Variants in IMMP2L observed in about 807,000 individuals in gnomAD.
IMMP2L encodes inner mitochondrial membrane peptidase subunit 2.
A neutral mutation model predicts 19.3 loss-of-function variants in IMMP2L; 18 were observed. The ratio of observed to expected loss-of-function variants is 0.93; its 90% CI spans 0.64 to 1.38. The LOEUF is 1.38. IMMP2L is among the 40% of genes most tolerant of loss of function. The pLI, the probability that IMMP2L is intolerant of heterozygous loss-of-function variation, is 0.00. For synonymous variants in IMMP2L, 76 were observed against 73.0 expected (o/e 1.04, Z -0.21); for missense variants, 233 against 218.2 (o/e 1.07, Z -0.43).
intron 3 of IMMP2L, among the ~76,000 whole-genome samples, chr7:111,474,094 A>G (rs1841509490): frequency 6.6e-6 from 1 of 152,112 alleles, no homozygotes; most frequent in Admixed American, 6.6e-5. Context: ...TATTGCAAGT[A>G]CTCACTTAAA....
At chr7:110,890,525 A>G (rs1365809770) in intron 4 of IMMP2L, among the ~76,000 whole-genome samples, 2 of 152,206 alleles carry the variant, frequency 1.3e-5, no homozygotes, top group African/African-American at 4.8e-5. Context: ...CCCTTTTAGG[A>G]CTGCCAAAGA....
At position 110,963,533 on chromosome 7, in the gene IMMP2L, T is replaced by C; in HGVS notation, c.272A>G (p.Lys91Arg). ...ATCTCCTTCAAGAGCAATCACTCTCTTAATGATCTTCTGTTCTGGGTTTTT... is the reference window on the plus strand; with the variant it reads ...ATCTCCTTCAAGAGCAATCACTCTCCTAATGATCTTCTGTTCTGGGTTTTT... ...SPKNPEQKII[K>R]RVIALEGDIV... The change falls in exon 4 of 6, where the codon AAG (lysine) becomes AGG (arginine). Residue 91 changes from lysine (K) to arginine (R), a missense_variant. By Grantham distance (26) the Lys-to-Arg change is conservative. Coordinates refer to ENST00000405709, the MANE Select transcript of IMMP2L (RefSeq NM_032549.4). 1 of 1,604,014 alleles carries C rather than the reference T, an allele frequency of 6.2e-7. No homozygotes were observed. The highest frequency in any genetic ancestry group is 2.2e-5 in the East Asian group (1 of 44,582).
chr7:110,944,102 T>C (rs559785185), intron 4 of IMMP2L, among the ~76,000 whole-genome samples: 4 of 152,080 alleles, frequency 2.6e-5, no homozygotes, highest in African/African-American at 7.2e-5. Context: ...GTCATTAAAT[T>C]TGACAAATAC....
chr7:111,137,128 A>T (rs1802422733), intron 3 of IMMP2L, among the ~76,000 whole-genome samples: 1 of 152,182 alleles, frequency 6.6e-6, no homozygotes, highest in Admixed American at 6.5e-5. Flanking sequence ...CTGCAAAAAT[A>T]TGGTGGGTTA....
chr7:111,494,475 C>G (rs1843411198), intron 2 of IMMP2L, among the ~76,000 whole-genome samples: 1 of 152,194 alleles, frequency 6.6e-6, no homozygotes, highest in South Asian at 2.1e-4. Context: ...AACTTGCATT[C>G]TCACACTCAT....
chr7:111,050,169 T>C (rs2022861417), intron 3 of IMMP2L, among the ~76,000 whole-genome samples: 2 of 152,236 alleles, frequency 1.3e-5, no homozygotes, highest in Admixed American at 6.5e-5. Flanking sequence ...GATAATCCCA[T>C]ACTGTCCTTT....
intron 2 of IMMP2L, among the ~76,000 whole-genome samples, chr7:111,510,288 C>T (rs1258710048): frequency 1.3e-5 from 2 of 152,096 alleles, no homozygotes; most frequent in Non-Finnish European, 2.9e-5. Flanking sequence ...CACAATCATT[C>T]AGAAACCCAG....
intron 5 of IMMP2L, chr7:110,664,817 T>G (rs530456235): frequency 1.4e-4 from 22 of 152,344 alleles, no homozygotes; most frequent in African/African-American, 4.8e-4. Context: ...ATGTCCACTT[T>G]ATTTACCATT....
rs1399076813 is a variant in IMMP2L, at chr7:111,562,433, CCGCCGGA to C, written c.-592_-586del. 1 of 151,406 alleles carries C rather than the reference CCGCCGGA, an allele frequency of 6.6e-6. No individual in the cohort carries two copies. The highest frequency in any genetic ancestry group is 2.4e-5 in the African/African-American group (1 of 41,254). 9.4% of individuals were successfully genotyped at this position (151,406 alleles called of 1,614,324 possible). Reference sequence around the variant, plus strand: ...TGCCAGCCTCACAGCCCCCCACCCGCCGCCGGACGCCGGGCGCCCGCCCTCCGCACCC... The same window carrying C: ...TGCCAGCCTCACAGCCCCCCACCCGCCGCCGGGCGCCCGCCCTCCGCACCC... On this transcript the variant is annotated 5_prime_UTR_variant, in exon 1 of 6. Coordinates refer to ENST00000405709, the MANE Select transcript of IMMP2L (RefSeq NM_032549.4).
intron 5 of IMMP2L, among the ~76,000 whole-genome samples, chr7:110,720,183 G>C (rs1394158867): frequency 6.6e-6 from 1 of 152,076 alleles, no homozygotes; most frequent in Non-Finnish European, 1.5e-5. Context: ...CCAAAAGCAA[G>C]AGATCACGAA....
At chr7:110,988,220 G>A (rs181648668) in intron 3 of IMMP2L, among the ~76,000 whole-genome samples, 1 of 152,318 alleles carries the variant, frequency 6.6e-6, no homozygotes, top group East Asian at 1.9e-4. Context: ...AAGTGCTTCA[G>A]TTTGGTAGCA....
intron 4 of IMMP2L, among the ~76,000 whole-genome samples, chr7:110,929,615 G>A (rs542950649): frequency 2.0e-5 from 3 of 152,126 alleles, no homozygotes; most frequent in African/African-American, 7.2e-5. Context: ...AATTGTTCAC[G>A]TAACAGCTGT....
intron 4 of IMMP2L, among the ~76,000 whole-genome samples, chr7:110,931,174 CTA>C (rs1398041836): frequency 2.0e-5 from 3 of 152,052 alleles, no homozygotes; most frequent in African/African-American, 7.2e-5. Flanking sequence ...TTACCTCATT[CTA>C]TATGTTTTGC....
chr7:111,364,006 CCA>C (rs925337692), intron 3 of IMMP2L, among the ~76,000 whole-genome samples: 9 of 151,712 alleles, frequency 5.9e-5, no homozygotes, highest in Non-Finnish European at 1.0e-4. Context: ...AGATCCCCCC[CCA>C]CACACACACA....
chr7:110,986,153 A>G (rs548794425), intron 3 of IMMP2L, among the ~76,000 whole-genome samples: 22 of 152,164 alleles, frequency 1.4e-4, no homozygotes, highest in Non-Finnish European at 2.6e-4. Flanking sequence ...TCTGTCATAC[A>G]GTATCAATGA....
chr7:111,074,745 C>A (rs1205821970), intron 3 of IMMP2L, among the ~76,000 whole-genome samples: 1 of 152,164 alleles, frequency 6.6e-6, no homozygotes, highest in Non-Finnish European at 1.5e-5. Context: ...CATTCCAATA[C>A]CTGTTTTTCC....
intron 3 of IMMP2L, among the ~76,000 whole-genome samples, chr7:111,300,232 G>A (rs1303193983): frequency 6.6e-6 from 1 of 152,106 alleles, no homozygotes; most frequent in African/African-American, 2.4e-5. Context: ...CAGCTTTGCT[G>A]AGGTCCTCAA....
Position 111,204,041 on chromosome 7 carries a change from A to G in IMMP2L, c.240-240476T>C, listed in dbSNP as rs375645703. Among the ~76,000 whole-genome samples the G allele has an allele frequency of 2.0e-4, 30 of 152,296 alleles. No individual in the cohort carries two copies. The East Asian group carries it at 4.2e-3, about 22-fold the overall frequency. On this transcript the variant is annotated intron_variant, in intron 3 of 5. Transcript: ENST00000405709. ...CTAACCATCCCAATGTACACTCAGA[A>G]AGGAAATAAATCTGACATTCAAAAA...
rs11977632 is a variant in IMMP2L, at chr7:110,732,394, A to G, written c.409-68673T>C. On this transcript the variant is annotated intron_variant, in intron 5 of 5. Transcript: ENST00000405709. ...ATACAAAGACCTAAAACAAGTCTCT[A>G]TAATCTTTTTCTAATTACAAACAAA... Among the ~76,000 whole-genome samples the G allele has an allele frequency of 3.9e-5, 6 of 152,346 alleles. 1 individual carries two copies. Among genetic ancestry groups the G allele is most frequent in the African/African-American group, 1.4e-4 (6 of 41,594 alleles).
Sources: allele counts gnomAD v4.1 joint callset (sites outside exome capture counted in the v4.1 genomes callset), GRCh38; gene constraint gnomAD v4.1.1; transcripts MANE v1.5; gene names NCBI Gene and HGNC (gene_info 2026-07-23, HGNC 2026-07-21).